The following ARHGAP32 variants were observed in gnomAD, a reference collection of about 807,000 sequenced individuals.
ARHGAP32 encodes Rho GTPase activating protein 32, also known as rho GTPase-activating protein 32.
Under a neutral mutation model 186.5 loss-of-function variants are expected in ARHGAP32, and 51 were observed. That is an observed-to-expected ratio of 0.27 (90% CI 0.22 to 0.35). ARHGAP32 has a LOEUF of 0.35. ARHGAP32 is among the 10% of genes least tolerant of loss of function. The pLI is 1.00. For missense variants in ARHGAP32, 2,186 were observed against 2,623.5 expected, an observed-to-expected ratio of 0.83 and a Z score of 3.64; for synonymous variants, 950 against 964.3, an observed-to-expected ratio of 0.99 and a Z score of 0.27.
intron 1 of ARHGAP32, among the ~76,000 whole-genome samples, chr11:129,181,442 T>C (rs1944052072): frequency 6.6e-6 from 1 of 152,274 alleles, no homozygotes; most frequent in South Asian, 2.1e-4. Flanking sequence ...AATCTGAGAC[T>C]ACCAGCGTTC....
At chr11:129,249,494 C>T (rs750676868) in intron 1 of ARHGAP32, among the ~76,000 whole-genome samples, 2 of 152,114 alleles carry the variant, frequency 1.3e-5, no homozygotes, top group Non-Finnish European at 2.9e-5. Context: ...AATGCCAGGT[C>T]TCAACTGCAG....
chr11:129,110,219 T>C (rs1942169076), intron 5 of ARHGAP32, among the ~76,000 whole-genome samples: 1 of 152,148 alleles, frequency 6.6e-6, no homozygotes, highest in Admixed American at 6.6e-5. Flanking sequence ...TCAATGTATA[T>C]TTTTGGCAAC....
At chr11:129,215,390 A>T (rs980877920) in intron 1 of ARHGAP32, among the ~76,000 whole-genome samples, 2 of 152,156 alleles carry the variant, frequency 1.3e-5, no homozygotes, top group African/African-American at 4.8e-5. Context: ...TCATGGTATT[A>T]GTTTCCAATT....
At chr11:129,206,917 C>G (rs374405481) in intron 1 of ARHGAP32, among the ~76,000 whole-genome samples, 12 of 152,050 alleles carry the variant, frequency 7.9e-5, no homozygotes, top group Non-Finnish European at 1.6e-4. Flanking sequence ...CCCTCACCCC[C>G]CAACAGGCCC....
chr11:129,086,127 CA>C (rs903598358), intron 6 of ARHGAP32, among the ~76,000 whole-genome samples: 5 of 151,828 alleles, frequency 3.3e-5, no homozygotes, highest in Admixed American at 1.3e-4. Flanking sequence ...GAAACAGACC[CA>C]TATAAAAGTC....
intron 1 of ARHGAP32, among the ~76,000 whole-genome samples, chr11:129,224,295 G>C (rs1591705249): frequency 6.6e-6 from 1 of 152,240 alleles, no homozygotes; most frequent in South Asian, 2.1e-4. Flanking sequence ...AAACAGAATG[G>C]TCATGTATTA....
chr11:129,170,747 T>C (rs1417028466), intron 1 of ARHGAP32, among the ~76,000 whole-genome samples: 1 of 152,236 alleles, frequency 6.6e-6, no homozygotes, highest in Non-Finnish European at 1.5e-5. Context: ...ATTGCCATAG[T>C]GTCTTCCACA....
At chr11:129,148,494 C>T (rs1033867792) in intron 2 of ARHGAP32, among the ~76,000 whole-genome samples, 5 of 152,172 alleles carry the variant, frequency 3.3e-5, no homozygotes, top group Non-Finnish European at 5.9e-5. Context: ...GGGAAGCCAT[C>T]CCCAACTATA....
chr11:129,078,986 A>G (rs1941138418), intron 6 of ARHGAP32, among the ~76,000 whole-genome samples: 1 of 152,146 alleles, frequency 6.6e-6, no homozygotes, highest in African/African-American at 2.4e-5. Flanking sequence ...ATTTTCAACA[A>G]TAGATTCAAA....
rs1037487768 is a variant in ARHGAP32 at position 129,155,182 on chromosome 11, C to G, written c.225+9137G>C. On this transcript the variant is annotated intron_variant, in intron 2 of 22. Coordinates refer to ENST00000682385, the MANE Select transcript of ARHGAP32 (RefSeq NM_001378024.1). Reference sequence around the variant, plus strand: ...AGCTGCAAAAAGACCACATGTGGCTCTCCCATCAATCCCCACTGCTACGTG... The same window carrying G: ...AGCTGCAAAAAGACCACATGTGGCTGTCCCATCAATCCCCACTGCTACGTG... 3.3e-5 allele frequency among the ~76,000 whole-genome samples: 5 copies of G among 152,326 alleles called. No homozygotes were observed. In the East Asian group the frequency reaches 9.6e-4, roughly 29 times the overall value.
Position 129,253,124 on chromosome 11 carries a change from TC to T in ARHGAP32, c.-5+26021del, listed in dbSNP as rs1945208136. 3.9e-5 allele frequency among the ~76,000 whole-genome samples: 6 copies of T among 152,226 alleles called. No individual in the cohort carries two copies. The South Asian group carries it at 8.3e-4, about 21-fold the overall frequency. ...AGGTATAAAAGTATAACTCTACAGA[TC>T]AAATAAGCTGAGATATGTTTTGGGG... On this transcript the variant is annotated intron_variant, in intron 1 of 6. Coordinates refer to the ARHGAP32 transcript ENST00000525234.
intron 6 of ARHGAP32, among the ~76,000 whole-genome samples, chr11:129,085,799 C>G (rs1941370083): frequency 6.6e-6 from 1 of 151,958 alleles, no homozygotes; most frequent in Admixed American, 6.6e-5. Flanking sequence ...TGACACCATC[C>G]TGGCTAACAT....
At chr11:129,269,038 A>C (rs770937019) in intron 1 of ARHGAP32, among the ~76,000 whole-genome samples, 2 of 152,176 alleles carry the variant, frequency 1.3e-5, no homozygotes, top group African/African-American at 2.4e-5. Flanking sequence ...TGGAAGGCCA[A>C]TGCAGTTGAA....
chr11:129,223,953 C>G (rs1366004240), intron 1 of ARHGAP32, among the ~76,000 whole-genome samples: 1 of 152,150 alleles, frequency 6.6e-6, no homozygotes, highest in Non-Finnish European at 1.5e-5. Flanking sequence ...CCAGAAACGT[C>G]AGGGTGGAAA....
chr11:129,142,459 CAAAT>C (rs946722888), intron 2 of ARHGAP32, among the ~76,000 whole-genome samples: 30 of 152,020 alleles, frequency 2.0e-4, no homozygotes, highest in Non-Finnish European at 2.4e-4. Context: ...GCACCGTAGT[CAAAT>C]AACATACATA....
intron 6 of ARHGAP32, among the ~76,000 whole-genome samples, chr11:129,073,120 C>T (rs1442579219): frequency 2.0e-5 from 3 of 152,142 alleles, no homozygotes; most frequent in Admixed American, 1.3e-4. Context: ...GAATGCTTCC[C>T]CCTACACACA....
In ARHGAP32 at chr11:128,974,177, T is replaced by C. The variant is rs1440850243; in HGVS notation, c.3020A>G (p.Gln1007Arg). 6.2e-7 allele frequency: 1 copy of C among 1,614,238 alleles called. No homozygotes were observed. The highest frequency in any genetic ancestry group is 1.3e-5 in the African/African-American group (1 of 75,058). ...CTTACTCTGACTGCTTGAGACAGAC[T>C]GATCCTCTTTCCCTGGCAATTCTAC... Reference protein sequence around the residue: ...EEVELPGKEDQSVSSSQSKAV... With the variant: ...EEVELPGKEDRSVSSSQSKAV... Residue 1007 changes from glutamine to arginine, a missense_variant, in exon 21 of 23, where the codon CAG (glutamine) becomes CGG (arginine). Gln to Arg is a conservative substitution (Grantham distance 43). Transcript: ENST00000682385.
At chr11:129,064,068 G>C (rs1940605298) in intron 8 of ARHGAP32, 44 bp from the exon 9 acceptor site, 2 of 1,523,752 alleles carry the variant, frequency 1.3e-6, no homozygotes, top group Admixed American at 4.4e-5. Flanking sequence ...CACTGGACTT[G>C]CAAATGCTTC....
chr11:129,219,153 T>C (rs1036704930), intron 1 of ARHGAP32, among the ~76,000 whole-genome samples: 6 of 152,230 alleles, frequency 3.9e-5, no homozygotes, highest in Non-Finnish European at 8.8e-5. Context: ...ACCTGATCGC[T>C]GACTTTTTAG....
Sources: gnomAD v4.1 joint callset for allele counts (sites outside exome capture counted in the v4.1 genomes callset) on GRCh38, gnomAD v4.1.1 for gene constraint, MANE v1.5 for transcripts, NCBI Gene and HGNC (gene_info 2026-07-23, HGNC 2026-07-21) for gene names.